Variants in PIK3C2B observed in about 807,000 individuals in gnomAD.
PIK3C2B encodes the protein phosphatidylinositol-4-phosphate 3-kinase catalytic subunit type 2 beta, also known as phosphatidylinositol 4-phosphate 3-kinase C2 domain-containing subunit beta.
Under a neutral mutation model 184.3 loss-of-function variants are expected in PIK3C2B, and 83 were observed. The observed-to-expected ratio is 0.45, with a 90% CI of 0.38 to 0.54. The LOEUF (loss-of-function observed/expected upper bound fraction) is 0.54, where lower values mean the gene tolerates loss of function less well. Ranked by LOEUF, PIK3C2B falls within the 20% of genes least tolerant of loss-of-function variation. The pLI is 0.00. For synonymous variants in PIK3C2B, 779 were observed against 837.6 expected (o/e 0.93, Z 1.21); for missense variants, 1,736 against 2,113.5 (o/e 0.82, Z 3.50).
Position 204,456,047 on chromosome 1 carries a change from C to T in PIK3C2B, c.1752G>A (p.Lys584=), listed in dbSNP as rs1294770077. ...SVLAVRENRE[K]VVEALTAAIL... is the part of the protein sequence containing the mutation. Reference sequence around the variant, plus strand: ...TGGCAGCGGTCAGGGCTTCCACGACCTTCTCTGGGAAGGGAAGGGGTCAGA... The same window carrying T: ...TGGCAGCGGTCAGGGCTTCCACGACTTTCTCTGGGAAGGGAAGGGGTCAGA... Residue 584 remains lysine (K), a synonymous_variant, in exon 11 of 33, where the codon AAG becomes AAA. Transcript: ENST00000684373. 6.2e-7 allele frequency: 1 copy of T among 1,612,482 alleles called. No individual in the cohort carries two copies. The highest frequency in any genetic ancestry group is 8.5e-7 in the Non-Finnish European group (1 of 1,178,822).
At chr1:204,462,655 T>C (rs2103506830) in intron 5 of PIK3C2B, among the ~76,000 whole-genome samples, 1 of 152,248 alleles carries the variant, frequency 6.6e-6, no homozygotes, top group African/African-American at 2.4e-5. Flanking sequence ...ATTTGAAGGG[T>C]ACCCTGGAGT....
At chr1:204,436,538 A>G (rs1446119798) in intron 23 of PIK3C2B, among the ~76,000 whole-genome samples, 1 of 152,090 alleles carries the variant, frequency 6.6e-6, no homozygotes, top group Non-Finnish European at 1.5e-5. Flanking sequence ...AAAAGAAACT[A>G]CCAGCATTAT....
chr1:204,466,927 G>A (rs1655847512), intron 2 of PIK3C2B: 1 of 532,922 alleles, frequency 1.9e-6, no homozygotes, highest in Non-Finnish European at 3.8e-6. Flanking sequence ...CCCTCTGGCT[G>A]GAAGCCCGAC....
At chr1:204,443,939 G>C (rs1653614663) in intron 18 of PIK3C2B, 129 bp downstream of exon 18, 1 of 709,028 alleles carries the variant, frequency 1.4e-6, no homozygotes, top group East Asian at 2.7e-5. Flanking sequence ...GCTGGTCCAA[G>C]GCCACAGGGT....
intron 12 of PIK3C2B, among the ~76,000 whole-genome samples, chr1:204,452,226 G>A (rs1654424933): frequency 1.3e-5 from 2 of 148,358 alleles, no homozygotes; most frequent in Admixed American, 1.3e-4. Context: ...GATACTGTAT[G>A]AGTAAAGGGT....
intron 12 of PIK3C2B, among the ~76,000 whole-genome samples, chr1:204,452,285 AC>A (rs1357529349): frequency 8.8e-5 from 6 of 67,996 alleles, no homozygotes; most frequent in Admixed American, 1.9e-4. Context: ...ACTGTGCAGC[AC>A]CCTTTTTTTT....
chr1:204,471,790 C>T (rs966782003), intron 1 of PIK3C2B, among the ~76,000 whole-genome samples: 2 of 152,156 alleles, frequency 1.3e-5, no homozygotes, highest in African/African-American at 4.8e-5. Context: ...ATGTCAATTA[C>T]ACCTCAATAA....
In PIK3C2B at chr1:204,481,790, G is replaced by T. The variant is rs139532808; in HGVS notation, c.-84-11904C>A. On this transcript the variant is annotated intron_variant, in intron 1 of 32. Coordinates refer to ENST00000684373, the MANE Select transcript of PIK3C2B (RefSeq NM_001377334.1). ...CAAATGCCCCCAGGCCTTCTGGCAG[G>T]CCCCCCAGGGTGGCCGGTCATTCCC... Among the ~76,000 whole-genome samples, 953 of 152,238 alleles carry T rather than the reference G, an allele frequency of 6.3e-3. 8 individuals carry two copies. The highest frequency in any genetic ancestry group is 0.022 in the African/African-American group (898 of 41,506).
intron 1 of PIK3C2B, among the ~76,000 whole-genome samples, chr1:204,473,037 G>A (rs1234305806): frequency 6.6e-6 from 1 of 152,158 alleles, no homozygotes; most frequent in African/African-American, 2.4e-5. Flanking sequence ...TCATTCTATT[G>A]TACTGCTTCA....
chr1:204,469,024 C>T lies in PIK3C2B; in HGVS notation c.779G>A (p.Arg260Gln), dbSNP rs773844163. 4.3e-6 allele frequency: 7 copies of T among 1,614,184 alleles called. No individual in the cohort carries two copies. Among genetic ancestry groups the T allele is most frequent in the South Asian group, 1.1e-5 (1 of 91,080 alleles). The stretch of plus-strand genomic sequence containing the variant: ...GTCTTTGCTGAAGTCCAGCGGCCCT[C>T]GGCCCTCCTTCCAGCCCCTGGTGGC... The part of the protein sequence containing the change: ...RDATRGWKEG[R>Q]GPLDFSKDTS... The change falls in exon 2 of 33, where the codon CGA (arginine) becomes CAA (glutamine). Residue 260 changes from arginine (R) to glutamine (Q), a missense_variant. Physicochemically the swap from Arg to Gln is conservative, Grantham distance 43 (BLOSUM62 1). Coordinates refer to ENST00000684373, the MANE Select transcript of PIK3C2B (RefSeq NM_001377334.1).
chr1:204,464,660 G>A lies in PIK3C2B; in HGVS notation c.1035-56C>T, dbSNP rs1655609306. The stretch of plus-strand genomic sequence containing the variant: ...GCCTTTAGAAGAGAGTAGTCAAGAA[G>A]ACATCTGTTGGGAACCTCATGCTCT... On this transcript the variant is annotated intron_variant, in intron 3 of 32. Transcript: ENST00000684373. The A allele has an allele frequency of 2.0e-6, 3 of 1,537,996 alleles. No individual in the cohort carries two copies. In the African/African-American group the frequency reaches 4.1e-5, roughly 21 times the overall value.
chr1:204,445,080 G>T (rs1039708608), intron 16 of PIK3C2B, among the ~76,000 whole-genome samples: 1 of 152,022 alleles, frequency 6.6e-6, no homozygotes. Flanking sequence ...AAGAGGGAAT[G>T]GGCAATGATT....
chr1:204,431,898 AT>A, intron 27 of PIK3C2B, 105 bp from the exon 28 acceptor site: 2 of 1,291,068 alleles, frequency 1.5e-6, no homozygotes, highest in Non-Finnish European at 2.2e-6. Context: ...GGAGGGGCAC[AT>A]TCCAGAAGGA....
chr1:204,486,239 T>C (rs1657575592), intron 1 of PIK3C2B, among the ~76,000 whole-genome samples: 3 of 150,866 alleles, frequency 2.0e-5, no homozygotes, highest in South Asian at 4.2e-4. Flanking sequence ...CTACTAAATA[T>C]ATAAAGTTAG....
intron 29 of PIK3C2B, among the ~76,000 whole-genome samples, chr1:204,429,628 T>C (rs61758004): frequency 0.14 from 21,511 of 152,182 alleles, 2,024 homozygotes; most frequent in African/African-American, 0.26. Context: ...CAAAAAACTT[T>C]TTCCTCAAAG....
At chr1:204,465,352 T>C in intron 2 of PIK3C2B, 33 bp from the exon 3 acceptor site, 1 of 1,409,800 alleles carries the variant, frequency 7.1e-7, no homozygotes, top group South Asian at 1.2e-5. Context: ...TCAGTGCCTT[T>C]TTCCTCGTGG....
chr1:204,464,722 C>A, intron 3 of PIK3C2B, 118 bp from the exon 4 acceptor site: 1 of 969,370 alleles, frequency 1.0e-6, no homozygotes, highest in South Asian at 1.7e-5. Flanking sequence ...CTCAGCCCAG[C>A]CCTCCAAATT....
At chr1:204,444,013 T>C (rs911402339) in intron 18 of PIK3C2B, 55 bp downstream of exon 18, 2 of 1,219,224 alleles carry the variant, frequency 1.6e-6, no homozygotes, top group African/African-American at 1.5e-5. Context: ...AAGAGTGAAA[T>C]ACTCCTACGT....
intron 11 of PIK3C2B, among the ~76,000 whole-genome samples, chr1:204,455,281 C>T (rs1269385215): frequency 6.6e-6 from 1 of 151,848 alleles, no homozygotes; most frequent in Non-Finnish European, 1.5e-5. Flanking sequence ...CTGCCAATCG[C>T]CCAGAGGAAT....
Sources: allele counts gnomAD v4.1 joint callset (sites outside exome capture counted in the v4.1 genomes callset), GRCh38; gene constraint gnomAD v4.1.1; transcripts MANE v1.5; gene names NCBI Gene and HGNC (gene_info 2026-07-23, HGNC 2026-07-21).